SLC24A2: variants seen among roughly 807,000 people sequenced by gnomAD.
The protein encoded by SLC24A2 is solute carrier family 24 member 2.
SLC24A2 carries 36 observed loss-of-function variants against 62.0 expected under a neutral mutation model. The ratio of observed to expected loss-of-function variants is 0.58; its 90% confidence interval spans 0.44 to 0.77. The LOEUF is 0.77. Ranked by LOEUF, SLC24A2 falls within the 30% of genes least tolerant of loss-of-function variation. The pLI is 0.00. For synonymous variants in SLC24A2, 358 were observed against 294.0 expected (o/e 1.22, Z -2.23); for missense variants, 846 against 817.9 (o/e 1.03, Z -0.42).
chr9:19,957,762 G>A, the SLC24A2 span: 2 of 152,220 alleles, frequency 1.3e-5, no homozygotes, highest in Admixed American at 6.5e-5. Context: ...GAAAGAGTCG[G>A]GGTGCTGCTT....
the SLC24A2 span, among the ~76,000 whole-genome samples, chr9:20,049,967 T>G: frequency 3.6e-4 from 55 of 152,184 alleles, no homozygotes; most frequent in African/African-American, 1.3e-3. Context: ...GTGTGCCACA[T>G]TGGTTAAACC....
At chr9:19,519,067 T>C (rs1006414730) in intron 10 of SLC24A2, among the ~76,000 whole-genome samples, 3 of 152,042 alleles carry the variant, frequency 2.0e-5, no homozygotes, top group Admixed American at 6.6e-5. Flanking sequence ...TAAATGATAA[T>C]GAAAAAGCCA....
the SLC24A2 span, among the ~76,000 whole-genome samples, chr9:20,125,959 G>A: frequency 6.6e-6 from 1 of 152,190 alleles, no homozygotes; most frequent in Non-Finnish European, 1.5e-5. Context: ...TGGGAGGGGA[G>A]GGCTGGTGCT....
the SLC24A2 span, among the ~76,000 whole-genome samples, chr9:20,059,197 C>T: frequency 5.9e-5 from 9 of 152,076 alleles, no homozygotes; most frequent in African/African-American, 1.7e-4. Context: ...TCCAGCTTGG[C>T]GAGTGTATTC....
chr9:20,270,632 T>A, the SLC24A2 span, among the ~76,000 whole-genome samples: 1 of 152,198 alleles, frequency 6.6e-6, no homozygotes, highest in African/African-American at 2.4e-5. Context: ...GAGGTAAAGA[T>A]CTTTCCCAGC....
At chr9:20,110,128 G>A in the SLC24A2 span, among the ~76,000 whole-genome samples, 14 of 152,200 alleles carry the variant, frequency 9.2e-5, 1 homozygote, top group East Asian at 2.3e-3. Flanking sequence ...AAGAACCTGA[G>A]CCCACAGCGG....
the SLC24A2 span, among the ~76,000 whole-genome samples, chr9:20,235,334 C>G: frequency 1.3e-5 from 2 of 152,226 alleles, no homozygotes; most frequent in African/African-American, 4.8e-5. Context: ...GTGGAGCCTA[C>G]AGAGGCAGGC....
the SLC24A2 span, among the ~76,000 whole-genome samples, chr9:20,111,281 G>A: frequency 6.6e-6 from 1 of 152,102 alleles, no homozygotes; most frequent in Non-Finnish European, 1.5e-5. Flanking sequence ...ACAGGGTCAT[G>A]GAGGTTAGCC....
chr9:20,276,555 T>G, the SLC24A2 span, among the ~76,000 whole-genome samples: 2 of 152,166 alleles, frequency 1.3e-5, no homozygotes, highest in African/African-American at 4.8e-5. Flanking sequence ...GATCTACCAT[T>G]CTGGGGTCTG....
chr9:19,688,654 A>G (rs1819955145), intron 2 of SLC24A2, among the ~76,000 whole-genome samples: 1 of 152,118 alleles, frequency 6.6e-6, no homozygotes, highest in Non-Finnish European at 1.5e-5. Context: ...CGCAAAGCAG[A>G]ATGTGTTGCT....
At chr9:20,074,166 C>T in the SLC24A2 span, among the ~76,000 whole-genome samples, 5 of 151,958 alleles carry the variant, frequency 3.3e-5, no homozygotes, top group Non-Finnish European at 5.9e-5. Context: ...CACATTATAA[C>T]CTCTGTATTA....
chr9:20,090,957 C>T, the SLC24A2 span, among the ~76,000 whole-genome samples: 2 of 151,910 alleles, frequency 1.3e-5, no homozygotes, highest in Middle Eastern at 3.4e-3. Flanking sequence ...AACAGAATCA[C>T]AATAAATGAT....
At chr9:20,218,125 A>G in the SLC24A2 span, among the ~76,000 whole-genome samples, 1 of 152,296 alleles carries the variant, frequency 6.6e-6, no homozygotes, top group African/African-American at 2.4e-5. Context: ...TTGAGCTTCC[A>G]AAAGGTATAA....
chr9:20,287,718 A>G, the SLC24A2 span, among the ~76,000 whole-genome samples: 2 of 152,180 alleles, frequency 1.3e-5, no homozygotes, highest in African/African-American at 2.4e-5. Flanking sequence ...GTGAATGCAT[A>G]CTTAACACAT....
intron 2 of SLC24A2, among the ~76,000 whole-genome samples, chr9:19,666,017 T>A (rs950293196): frequency 6.6e-6 from 1 of 152,066 alleles, no homozygotes; most frequent in African/African-American, 2.4e-5. Flanking sequence ...GTAAAGAGCA[T>A]ATGGTATGCA....
chr9:20,300,839 T>G, the SLC24A2 span, among the ~76,000 whole-genome samples: 1 of 152,306 alleles, frequency 6.6e-6, no homozygotes, highest in East Asian at 1.9e-4. Flanking sequence ...GCTCTATGTG[T>G]TACAGATAAT....
At chr9:20,214,457 C>CA in the SLC24A2 span, among the ~76,000 whole-genome samples, 3 of 151,160 alleles carry the variant, frequency 2.0e-5, no homozygotes, top group Non-Finnish European at 4.4e-5. Flanking sequence ...CTAAACAATA[C>CA]AAAAAAAATT....
rs116009926 is a variant in SLC24A2, at chr9:19,747,594, C to A, written c.930+38343G>T. On this transcript the variant is annotated intron_variant, in intron 2 of 10. Coordinates refer to ENST00000341998, the MANE Select transcript of SLC24A2 (RefSeq NM_020344.4). ...ATACATATTATTATCTGACATATCA[C>A]TTTGCCTTTCAAGAGATTAGCCAAA... Among the ~76,000 whole-genome samples the A allele has an allele frequency of 8.4e-3, 1,276 of 152,296 alleles. 12 individuals carry two copies. The highest frequency in any genetic ancestry group is 0.029 in the African/African-American group (1,217 of 41,554).
chr9:19,838,722 T>C, the SLC24A2 span, among the ~76,000 whole-genome samples: 1 of 151,456 alleles, frequency 6.6e-6, no homozygotes, highest in Non-Finnish European at 1.5e-5. Context: ...TTTCTAAGCA[T>C]TGTATTCTTT....
Sources: allele counts gnomAD v4.1 joint callset (sites outside exome capture counted in the v4.1 genomes callset), GRCh38; gene constraint gnomAD v4.1.1; transcripts MANE v1.5; gene names NCBI Gene and HGNC (gene_info 2026-07-23, HGNC 2026-07-21).